CDK14: variants seen among roughly 807,000 people sequenced by gnomAD.
The protein encoded by CDK14 is cyclin dependent kinase 14.
In CDK14, 34 loss-of-function variants were observed where a neutral mutation model predicts 60.7. That is an observed-to-expected ratio of 0.56 (90% CI 0.43 to 0.75). The LOEUF (loss-of-function observed/expected upper bound fraction) is 0.75, where lower values mean the gene tolerates loss of function less well. Ranked by LOEUF, CDK14 falls within the 30% of genes least tolerant of loss-of-function variation. CDK14 has a pLI of 0.00. For synonymous variants in CDK14, 197 were observed against 203.7 expected, an observed-to-expected ratio of 0.97 and a Z score of 0.28; for missense variants, 482 against 564.1, an observed-to-expected ratio of 0.85 and a Z score of 1.47.
intron 12 of CDK14, among the ~76,000 whole-genome samples, chr7:91,093,844 A>G (rs940197335): frequency 6.6e-6 from 1 of 152,218 alleles, no homozygotes; most frequent in Non-Finnish European, 1.5e-5. Context: ...CTGTGCAGCC[A>G]TAAAAAGAAT....
chr7:90,686,273 A>G lies in CDK14; in HGVS notation c.124-40294A>G, dbSNP rs543569769. ...TTCAGTTAACTTCTGTGGTTTCCAA[A>G]TATTGAGTCATTTATCTCTAAATAA... On this transcript the variant is annotated intron_variant, in intron 2 of 14. Transcript: ENST00000380050. Among the ~76,000 whole-genome samples the G allele has an allele frequency of 3.3e-5, 5 of 152,268 alleles. No homozygotes were observed. The East Asian group carries it at 7.7e-4, about 24-fold the overall frequency.
At chr7:90,876,687 C>A (rs1253909885) in intron 6 of CDK14, among the ~76,000 whole-genome samples, 2 of 152,154 alleles carry the variant, frequency 1.3e-5, no homozygotes, top group African/African-American at 4.8e-5. Context: ...AGTGGGAATT[C>A]AGGAGAATAC....
At chr7:90,786,625 C>G (rs1247822066) in intron 4 of CDK14, among the ~76,000 whole-genome samples, 1 of 152,070 alleles carries the variant, frequency 6.6e-6, no homozygotes, top group Admixed American at 6.5e-5. Flanking sequence ...TCATATTAAA[C>G]TTTAAAATAA....
At chr7:91,201,021 C>T (rs1467376205) in intron 14 of CDK14, among the ~76,000 whole-genome samples, 2 of 152,046 alleles carry the variant, frequency 1.3e-5, no homozygotes, top group South Asian at 2.1e-4. Context: ...TTCATTATTA[C>T]CTGGATTATT....
At chr7:90,740,253 GTATATA>G (rs113753789) in intron 3 of CDK14, among the ~76,000 whole-genome samples, 12 of 145,358 alleles carry the variant, frequency 8.3e-5, no homozygotes, top group South Asian at 4.4e-4. Flanking sequence ...ATGTGTGTGT[GTATATA>G]TATATATATA....
At chr7:90,998,145 T>C (rs955046144) in intron 10 of CDK14, among the ~76,000 whole-genome samples, 4 of 152,220 alleles carry the variant, frequency 2.6e-5, no homozygotes, top group African/African-American at 9.6e-5. Flanking sequence ...AAGGATTAAC[T>C]TGAATGACAT....
chr7:90,960,202 T>C (rs1794560295), intron 9 of CDK14, among the ~76,000 whole-genome samples: 1 of 152,052 alleles, frequency 6.6e-6, no homozygotes, highest in South Asian at 2.1e-4. Context: ...ATAGGGTGAC[T>C]AAGTCACCTG....
At chr7:90,955,380 A>C (rs1443576478) in intron 8 of CDK14, among the ~76,000 whole-genome samples, 1 of 152,148 alleles carries the variant, frequency 6.6e-6, no homozygotes, top group Non-Finnish European at 1.5e-5. Context: ...AATACTTATA[A>C]ATCTGAAAAA....
At chr7:90,976,904 T>C (rs1172552266) in intron 9 of CDK14, among the ~76,000 whole-genome samples, 1 of 152,174 alleles carries the variant, frequency 6.6e-6, no homozygotes, top group Non-Finnish European at 1.5e-5. Context: ...ATTTGAGACT[T>C]ATCTCCCATC....
intron 10 of CDK14, among the ~76,000 whole-genome samples, chr7:91,014,651 T>G (rs1250109925): frequency 6.6e-6 from 1 of 152,218 alleles, no homozygotes; most frequent in Non-Finnish European, 1.5e-5. Context: ...CAAGCTAATA[T>G]ATCAAACAGC....
chr7:90,620,821 A>G (rs1214699820), intron 2 of CDK14, among the ~76,000 whole-genome samples: 1 of 152,174 alleles, frequency 6.6e-6, no homozygotes, highest in African/African-American at 2.4e-5. Context: ...GAACACCAGC[A>G]GTCTAATTTT....
At chr7:91,066,198 T>C (rs1797973210) in intron 11 of CDK14, among the ~76,000 whole-genome samples, 1 of 152,236 alleles carries the variant, frequency 6.6e-6, no homozygotes, top group African/African-American at 2.4e-5. Context: ...TAGAATTTCA[T>C]GTGGCATTTA....
At position 91,122,056 on chromosome 7, in the gene CDK14, A is replaced by G. The variant is rs527555040; in HGVS notation, c.*28+3848A>G. Among the ~76,000 whole-genome samples, 3 of 152,320 alleles carry G rather than the reference A, an allele frequency of 2.0e-5. No homozygotes were observed. In the South Asian group the frequency reaches 6.2e-4, roughly 32 times the overall value. On this transcript the variant is annotated intron_variant, in intron 14 of 14. Transcript: ENST00000380050. ...CTCTATTCTTTTAGATATGTTTTGT[A>G]ATTTTTCTGAAATAGTATGTGCTCA...
intron 2 of CDK14, among the ~76,000 whole-genome samples, chr7:90,671,583 T>C (rs976664545): frequency 2.0e-5 from 3 of 152,134 alleles, no homozygotes; most frequent in East Asian, 3.9e-4. Flanking sequence ...ATGTTTCATT[T>C]TGATAGCAAG....
At chr7:90,843,092 A>T (rs929376970) in intron 5 of CDK14, among the ~76,000 whole-genome samples, 2 of 152,204 alleles carry the variant, frequency 1.3e-5, no homozygotes, top group Non-Finnish European at 2.9e-5. Flanking sequence ...ATAAATTTTG[A>T]TAATTCCTTA....
intron 10 of CDK14, among the ~76,000 whole-genome samples, chr7:91,010,288 A>G (rs548997669): frequency 2.0e-5 from 3 of 152,232 alleles, no homozygotes; most frequent in Non-Finnish European, 4.4e-5. Context: ...CTGATCAGTT[A>G]CTACAAAAAA....
At chr7:90,735,027 CT>C (rs1174104560) in intron 3 of CDK14, among the ~76,000 whole-genome samples, 7 of 152,104 alleles carry the variant, frequency 4.6e-5, no homozygotes, top group African/African-American at 9.7e-5. Context: ...GATGTTGATG[CT>C]GTTCCTTTCT....
At chr7:90,914,362 C>T (rs921073791) in intron 7 of CDK14, among the ~76,000 whole-genome samples, 29 of 152,120 alleles carry the variant, frequency 1.9e-4, no homozygotes, top group Admixed American at 8.5e-4. Context: ...GCTCAGTTTG[C>T]GTTGCTGTTA....
At chr7:90,877,763 G>C (rs1005074887) in intron 6 of CDK14, among the ~76,000 whole-genome samples, 1 of 152,126 alleles carries the variant, frequency 6.6e-6, no homozygotes, top group Non-Finnish European at 1.5e-5. Flanking sequence ...AATATGGGGA[G>C]AATATGATTA....
Sources: gnomAD v4.1 joint callset for allele counts (sites outside exome capture counted in the v4.1 genomes callset) on GRCh38, gnomAD v4.1.1 for gene constraint, MANE v1.5 for transcripts, NCBI Gene and HGNC (gene_info 2026-07-23, HGNC 2026-07-21) for gene names.